Variants in CACNA1B observed in about 807,000 individuals in gnomAD.
CACNA1B encodes calcium voltage-gated channel subunit alpha1 B, also known as voltage-dependent N-type calcium channel subunit alpha-1B.
CACNA1B carries 70 observed loss-of-function variants against 247.2 expected under a neutral mutation model. The observed-to-expected ratio is 0.28, with a 90% confidence interval of 0.23 to 0.35. The LOEUF (loss-of-function observed/expected upper bound fraction) is 0.35. CACNA1B is among the 10% of genes least tolerant of loss of function. The pLI, the probability that CACNA1B is intolerant of heterozygous loss-of-function variation, is 1.00. For missense variants in CACNA1B, 2,367 were observed against 3,197.4 expected, an observed-to-expected ratio of 0.74 and a Z score of 6.26; for synonymous variants, 1,231 against 1,294.4, an observed-to-expected ratio of 0.95 and a Z score of 1.05.
chr9:138,082,264 G>T (rs1289049934), intron 36 of CACNA1B, among the ~76,000 whole-genome samples: 1 of 151,388 alleles, frequency 6.6e-6, no homozygotes, highest in Non-Finnish European at 1.5e-5. Flanking sequence ...GTTAATATCA[G>T]AATTGTTGAA....
intron 15 of CACNA1B, among the ~76,000 whole-genome samples, chr9:138,000,782 C>T (rs201726919): frequency 3.5e-4 from 53 of 152,240 alleles, no homozygotes; most frequent in African/African-American, 1.1e-3. Flanking sequence ...ACGGCAGGTA[C>T]GCTAATGTCT....
At chr9:138,028,476 C>G (rs1453790637) in intron 20 of CACNA1B, among the ~76,000 whole-genome samples, 1 of 152,104 alleles carries the variant, frequency 6.6e-6, no homozygotes, top group African/African-American at 2.4e-5. Context: ...TCCTGATTAC[C>G]AGTTAAAATA....
intron 36 of CACNA1B, among the ~76,000 whole-genome samples, chr9:138,083,626 G>C (rs1960600288): frequency 6.9e-6 from 1 of 145,946 alleles, no homozygotes; most frequent in South Asian, 2.2e-4. Flanking sequence ...TGCATCCCAG[G>C]GCTGAACTGA....
intron 6 of CACNA1B, among the ~76,000 whole-genome samples, chr9:137,941,127 G>A (rs947203179): frequency 4.6e-5 from 7 of 151,976 alleles, no homozygotes; most frequent in Admixed American, 2.0e-4. Context: ...TCAGACTGTC[G>A]CTGTTTGTTT....
rs923495550 is a variant in CACNA1B, at chr9:138,002,792, T to TTTTTC, written c.1975-3955_1975-3951dup. ...TTTCTTCTCTTTTCTTTTCTTTTCTTTTTTCTTTTCTTTTCTTTTCTTTTT... is the reference window on the plus strand; with the variant it reads ...TTTCTTCTCTTTTCTTTTCTTTTCTTTTTTCTTTTCTTTTCTTTTCTTTTCTTTTT... On this transcript the variant is annotated intron_variant, in intron 15 of 46. Transcript: ENST00000371372. Among the ~76,000 whole-genome samples the TTTTTC allele has an allele frequency of 2.5e-4, 37 of 148,026 alleles. No individual in the cohort carries two copies. The South Asian group carries it at 3.9e-3, about 16-fold the overall frequency.
In CACNA1B at chr9:138,023,465, C is replaced by A; in HGVS notation, c.2722C>A (p.Arg908=). The A allele has an allele frequency of 8.4e-7, 1 of 1,195,218 alleles. No individual in the cohort carries two copies. The highest frequency in any genetic ancestry group is 1.0e-6 in the Non-Finnish European group (1 of 966,188). The allele number at this position is 1,195,218 out of a possible 1,614,324, so 74.0% of individuals were successfully genotyped here. The change falls in exon 19 of 47, where the codon CGA becomes AGA. Residue 908 remains arginine (R), a synonymous_variant. Coordinates refer to ENST00000371372, the MANE Select transcript of CACNA1B (RefSeq NM_000718.4). ...CCCGGAGGCGCGGAGCGAGCGCGGC[C>A]GAGGCCCAGGCCCCGAGGGCGGCCG... is the stretch of plus-strand genomic sequence containing the variant. ...GPPEARSERG[R]GPGPEGGRRH...
chr9:138,044,511 G>C (rs1959168295), intron 21 of CACNA1B, among the ~76,000 whole-genome samples: 1 of 152,254 alleles, frequency 6.6e-6, no homozygotes, highest in Admixed American at 6.5e-5. Context: ...ATAGTGTTAA[G>C]TACTAGGAGG....
Position 137,914,095 on chromosome 9 carries a change from T to A in CACNA1B, c.623-559T>A, listed in dbSNP as rs1025982307. 2.6e-5 allele frequency among the ~76,000 whole-genome samples: 4 copies of A among 152,142 alleles called. No individual in the cohort carries two copies. Among genetic ancestry groups the A allele is most frequent in the African/African-American group, 9.7e-5 (4 of 41,434 alleles). The stretch of plus-strand genomic sequence containing the variant: ...ACTTTCTCCCAAGGAGTTGGGTCTG[T>A]TAGGAATACCTGTACTTCTCCCCCA... On this transcript the variant is annotated intron_variant, in intron 4 of 46. Coordinates refer to ENST00000371372, the MANE Select transcript of CACNA1B (RefSeq NM_000718.4). This position sits in a 1 kb window ranked among gnomAD's most constrained non-coding sequence, Gnocchi z 4.3.
At chr9:138,115,078 A>T (rs955588845) in intron 41 of CACNA1B, among the ~76,000 whole-genome samples, 1 of 152,138 alleles carries the variant, frequency 6.6e-6, no homozygotes, top group Admixed American at 6.5e-5. Flanking sequence ...CTCAGGCCAC[A>T]CCTTCCATTC....
At chr9:138,016,529 A>C (rs1439161546) in intron 18 of CACNA1B, among the ~76,000 whole-genome samples, 1 of 152,186 alleles carries the variant, frequency 6.6e-6, no homozygotes, top group Non-Finnish European at 1.5e-5. Flanking sequence ...TGGGGCTGGA[A>C]CCAGAGTGGG....
chr9:137,892,152 C>A, intron 3 of CACNA1B: 1 of 456,988 alleles, frequency 2.2e-6, no homozygotes, highest in Non-Finnish European at 4.4e-6. Flanking sequence ...CTGACAGGCT[C>A]ATTCCCTTGA....
At position 138,020,453 on chromosome 9, in the gene CACNA1B, G is replaced by A. The variant is rs1178609350; in HGVS notation, c.2268-2558G>A. ...GTGGATATGTGCCAGATAGAGCAAGGACAGAGACAGGGGCCAGGGGAGGTG... is the reference window on the plus strand; with the variant it reads ...GTGGATATGTGCCAGATAGAGCAAGAACAGAGACAGGGGCCAGGGGAGGTG... On this transcript the variant is annotated intron_variant, in intron 18 of 46. Transcript: ENST00000371372. This position sits in a 1 kb window ranked among gnomAD's most constrained non-coding sequence, Gnocchi z 4.1. Among the ~76,000 whole-genome samples the A allele has an allele frequency of 1.3e-5, 2 of 152,212 alleles. No homozygotes were observed. Among genetic ancestry groups the A allele is most frequent in the East Asian group, 1.9e-4 (1 of 5,202 alleles).
intron 15 of CACNA1B, among the ~76,000 whole-genome samples, chr9:137,995,212 C>CAAAAAA (rs34306133): frequency 8.6e-6 from 1 of 115,746 alleles, no homozygotes; most frequent in African/African-American, 3.2e-5. Context: ...GACTCCGTCT[C>CAAAAAA]AAAAAAAAAA....
intron 31 of CACNA1B, among the ~76,000 whole-genome samples, chr9:138,066,248 C>T (rs1959910409): frequency 6.6e-6 from 1 of 152,208 alleles, no homozygotes; most frequent in African/African-American, 2.4e-5. Context: ...GCTCCACCTG[C>T]AAAGCAGGTT....
intron 3 of CACNA1B, among the ~76,000 whole-genome samples, chr9:137,884,469 C>T (rs1418370469): frequency 7.5e-4 from 109 of 145,240 alleles, no homozygotes; most frequent in African/African-American, 2.5e-3. Context: ...TCTCAGAGGA[C>T]TGGGCGCTCC....
chr9:137,932,915 TTTTA>T (rs757517541), intron 6 of CACNA1B, among the ~76,000 whole-genome samples: 14 of 122,980 alleles, frequency 1.1e-4, no homozygotes, highest in African/African-American at 5.5e-4. Context: ...TTATCTTTAC[TTTTA>T]TTTATTTATT....
intron 15 of CACNA1B, among the ~76,000 whole-genome samples, chr9:138,005,734 T>C (rs1165063407): frequency 6.6e-6 from 1 of 152,206 alleles, no homozygotes; most frequent in Admixed American, 6.5e-5. Flanking sequence ...GTACAAATAC[T>C]ATGTATCGAT....
chr9:138,107,095 T>G (rs1961453362), intron 39 of CACNA1B, among the ~76,000 whole-genome samples: 1 of 152,178 alleles, frequency 6.6e-6, no homozygotes, highest in Non-Finnish European at 1.5e-5. Context: ...CTTTATCATC[T>G]CACCTATTCC....
rs1268191488 is a variant in CACNA1B, at chr9:137,888,114, A to C, written c.530+5231A>C. Among the ~76,000 whole-genome samples, 1 of 151,144 alleles carries C rather than the reference A, an allele frequency of 6.6e-6. No homozygotes were observed. The highest frequency in any genetic ancestry group is 1.5e-5 in the Non-Finnish European group (1 of 67,674). ...GGCACAGTGTAGACGGTAGGGAAGG[A>C]GAGTGGGAGCCGGAAGCAGTGATCC... On this transcript the variant is annotated intron_variant, in intron 3 of 46. Transcript: ENST00000371372. This position sits in a 1 kb window ranked among gnomAD's most constrained non-coding sequence, Gnocchi z 4.7.
Sources: allele counts gnomAD v4.1 joint callset (sites outside exome capture counted in the v4.1 genomes callset), GRCh38; gene constraint gnomAD v4.1.1; non-coding constraint Gnocchi (gnomAD v3.1); transcripts MANE v1.5; gene names NCBI Gene and HGNC (gene_info 2026-07-23, HGNC 2026-07-21).